CAMK2D: variants seen among roughly 807,000 people sequenced by gnomAD.
CAMK2D encodes the protein calcium/calmodulin-dependent protein kinase type II subunit delta.
In CAMK2D, 37 loss-of-function variants were observed where a neutral mutation model predicts 84.0. The observed-to-expected ratio is 0.44, with a 90% confidence interval of 0.34 to 0.58. The LOEUF (loss-of-function observed/expected upper bound fraction) is 0.58, where lower values mean the gene tolerates loss of function less well. CAMK2D is among the 20% of genes least tolerant of loss of function. CAMK2D has a pLI of 0.02. For missense variants in CAMK2D, 448 were observed against 652.5 expected (o/e 0.69, Z 3.41); for synonymous variants, 202 against 212.5 (o/e 0.95, Z 0.43).
At chr4:113,619,754 G>A (rs1456442148) in intron 3 of CAMK2D, among the ~76,000 whole-genome samples, 1 of 151,960 alleles carries the variant, frequency 6.6e-6, no homozygotes, top group Non-Finnish European at 1.5e-5. Flanking sequence ...ATTTGTTTAC[G>A]TATTATCCAT....
At chr4:113,712,405 C>T (rs1041972301) in intron 2 of CAMK2D, among the ~76,000 whole-genome samples, 1 of 152,002 alleles carries the variant, frequency 6.6e-6, no homozygotes, top group Non-Finnish European at 1.5e-5. Context: ...ATAGTGTTTC[C>T]CAAGCTGGAT....
Position 113,656,254 on chromosome 4 carries a change from G to T in CAMK2D, c.220+5459C>A, listed in dbSNP as rs181822036. Reference sequence around the variant, plus strand: ...TTCAAACAAAAATTGCCTGGCTAGAGCACAGCAAAGATGGAGCTTCTTTAA... The same window carrying T: ...TTCAAACAAAAATTGCCTGGCTAGATCACAGCAAAGATGGAGCTTCTTTAA... On this transcript the variant is annotated intron_variant, in intron 3 of 20. Transcript: ENST00000511664. Among the ~76,000 whole-genome samples, 877 of 152,224 alleles carry T rather than the reference G, an allele frequency of 5.8e-3. 16 individuals carry two copies. The highest frequency in any genetic ancestry group is 0.02 in the African/African-American group (831 of 41,546).
At chr4:113,555,970 C>T (rs530438204) in intron 4 of CAMK2D, among the ~76,000 whole-genome samples, 25 of 152,188 alleles carry the variant, frequency 1.6e-4, no homozygotes, top group Admixed American at 1.0e-3. Context: ...GCCTGCAATC[C>T]AGGAAAGAGC....
intron 8 of CAMK2D, 24 bp downstream of exon 8, chr4:113,531,192 T>A: frequency 7.8e-7 from 1 of 1,285,808 alleles, no homozygotes; most frequent in Non-Finnish European, 1.1e-6. Context: ...ATCACAAAAT[T>A]TGCTTCAAAA....
chr4:113,494,154 T>C (rs1167057234), intron 16 of CAMK2D, among the ~76,000 whole-genome samples: 1 of 152,278 alleles, frequency 6.6e-6, no homozygotes. Context: ...AAAGTCATTC[T>C]CCATCCAGCT....
At chr4:113,569,703 G>A (rs1202454928) in intron 4 of CAMK2D, among the ~76,000 whole-genome samples, 1 of 151,954 alleles carries the variant, frequency 6.6e-6, no homozygotes, top group Non-Finnish European at 1.5e-5. Context: ...TTCCCCAAAG[G>A]TCAGAATTCA....
At chr4:113,552,444 T>C (rs2098635650) in intron 4 of CAMK2D, among the ~76,000 whole-genome samples, 1 of 152,204 alleles carries the variant, frequency 6.6e-6, no homozygotes, top group Non-Finnish European at 1.5e-5. Flanking sequence ...CAAAAGGAGA[T>C]GATACACATC....
intron 13 of CAMK2D, 55 bp downstream of exon 13, chr4:113,509,583 A>C (rs1044075391): frequency 2.7e-6 from 3 of 1,094,130 alleles, no homozygotes; most frequent in Admixed American, 3.4e-5. Flanking sequence ...TAACATTTAA[A>C]GATTATCCAG....
chr4:113,541,436 T>C (rs1007003307), intron 6 of CAMK2D, among the ~76,000 whole-genome samples: 2 of 152,228 alleles, frequency 1.3e-5, no homozygotes, highest in African/African-American at 4.8e-5. Flanking sequence ...TTAACCTTGC[T>C]TTACCAATTA....
chr4:113,723,866 AT>A (rs1315957857), intron 2 of CAMK2D, among the ~76,000 whole-genome samples: 3 of 152,184 alleles, frequency 2.0e-5, no homozygotes, highest in Admixed American at 2.0e-4. Context: ...AGGTTAAAGT[AT>A]TTTTAAAAAC....
At chr4:113,498,715 A>G (rs770160599) in intron 16 of CAMK2D, among the ~76,000 whole-genome samples, 1 of 152,198 alleles carries the variant, frequency 6.6e-6, no homozygotes, top group Non-Finnish European at 1.5e-5. Context: ...TTTGAATTGG[A>G]GAACTGTTTT....
chr4:113,652,784 A>G (rs1168497315), intron 3 of CAMK2D, among the ~76,000 whole-genome samples: 2 of 152,192 alleles, frequency 1.3e-5, no homozygotes, highest in Admixed American at 1.3e-4. Flanking sequence ...AGAATAAATC[A>G]GAACTATTTC....
At chr4:113,679,551 C>T in intron 2 of CAMK2D, 2 of 555,698 alleles carry the variant, frequency 3.6e-6, no homozygotes, top group Non-Finnish European at 4.6e-6. Context: ...AATAGTAAGT[C>T]ATATCCCTTA....
At chr4:113,737,457 T>C (rs75686297) in intron 2 of CAMK2D, among the ~76,000 whole-genome samples, 9,367 of 151,996 alleles carry the variant, frequency 0.062, 696 homozygotes, top group African/African-American at 0.16. Flanking sequence ...AGAGACAGAG[T>C]GCAAGGGTAG....
At chr4:113,640,483 C>T (rs1592335156) in intron 3 of CAMK2D, among the ~76,000 whole-genome samples, 1 of 152,092 alleles carries the variant, frequency 6.6e-6, no homozygotes, top group African/African-American at 2.4e-5. Context: ...AGACTCAATC[C>T]CCATCCTCAG....
intron 1 of CAMK2D, among the ~76,000 whole-genome samples, chr4:113,760,198 G>A (rs1378364036): frequency 6.6e-6 from 1 of 152,118 alleles, no homozygotes. Flanking sequence ...TCCTCAGTAG[G>A]TCTCCTGCCT....
chr4:113,658,346 T>C (rs536726147), intron 3 of CAMK2D, among the ~76,000 whole-genome samples: 1 of 152,308 alleles, frequency 6.6e-6, no homozygotes, highest in South Asian at 2.1e-4. Context: ...AAAGCTTTGG[T>C]GGAATCTACT....
chr4:113,690,262 TG>T (rs2099383309), intron 2 of CAMK2D, among the ~76,000 whole-genome samples: 1 of 152,178 alleles, frequency 6.6e-6, no homozygotes, highest in Non-Finnish European at 1.5e-5. Flanking sequence ...CTACTGAAGA[TG>T]TTGGTAAAAT....
rs1279312318 is a variant in CAMK2D at position 113,688,410 on chromosome 4, GCT to G, written c.161-26640_161-26639del. Reference sequence around the variant, plus strand: ...TCATCATTTTTCAGTTAAATGACATGCTCTCTGTTATATGTACTTGACATTAA... The same window carrying G: ...TCATCATTTTTCAGTTAAATGACATGCTCTGTTATATGTACTTGACATTAA... On this transcript the variant is annotated intron_variant, in intron 2 of 20. Transcript: ENST00000511664. 7.2e-4 allele frequency among the ~76,000 whole-genome samples: 110 copies of G among 152,152 alleles called. 4 individuals are homozygous for G. The highest frequency in any genetic ancestry group is 2.6e-4 in the Admixed American group (4 of 15,282).
Sources: allele counts gnomAD v4.1 joint callset (sites outside exome capture counted in the v4.1 genomes callset), GRCh38; gene constraint gnomAD v4.1.1; transcripts MANE v1.5; gene names NCBI Gene and HGNC (gene_info 2026-07-23, HGNC 2026-07-21).